Variants in ZSWIM5 observed in about 807,000 individuals in gnomAD.
ZSWIM5 encodes the protein zinc finger SWIM domain-containing protein 5.
A neutral mutation model predicts 119.6 loss-of-function variants in ZSWIM5; 55 were observed. That is an observed-to-expected ratio of 0.46 (90% CI 0.37 to 0.58). The LOEUF (loss-of-function observed/expected upper bound fraction) is 0.58. Among genes scored for constraint, ZSWIM5 ranks in the 20% least tolerant of loss-of-function variants. The pLI, the probability that ZSWIM5 is intolerant of heterozygous loss-of-function variation, is 0.00. For missense variants in ZSWIM5, 1,193 were observed against 1,512.8 expected, an observed-to-expected ratio of 0.79 and a Z score of 3.51; for synonymous variants, 537 against 606.9, an observed-to-expected ratio of 0.88 and a Z score of 1.69.
intron 2 of ZSWIM5, among the ~76,000 whole-genome samples, chr1:45,080,221 C>T (rs923018988): frequency 6.6e-6 from 1 of 152,154 alleles, no homozygotes; most frequent in Non-Finnish European, 1.5e-5. Flanking sequence ...GCAGTCCTTG[C>T]GGCCTAGACT....
chr1:45,189,243 A>G (rs1041046060), intron 1 of ZSWIM5, among the ~76,000 whole-genome samples: 1 of 151,968 alleles, frequency 6.6e-6, no homozygotes, highest in Non-Finnish European at 1.5e-5. Context: ...TCAACCCGGG[A>G]GGCAGAGGCT....
Position 45,057,868 on chromosome 1 carries a change from G to A in ZSWIM5, c.1252+741C>T, listed in dbSNP as rs1232890383. On this transcript the variant is annotated intron_variant, in intron 4 of 13. Coordinates refer to ENST00000359600, the MANE Select transcript of ZSWIM5 (RefSeq NM_020883.2). The surrounding 1 kb of genome is among the most constrained non-coding windows in gnomAD (Gnocchi z 4.7). ...TTCTAATCTAATCTAAAAGTTTCAC[G>A]GGGGAATGGACACTACATTGCATTT... 2.0e-5 allele frequency among the ~76,000 whole-genome samples: 3 copies of A among 152,170 alleles called. No homozygotes were observed. The highest frequency in any genetic ancestry group is 7.2e-5 in the African/African-American group (3 of 41,444).
intron 2 of ZSWIM5, among the ~76,000 whole-genome samples, chr1:45,086,490 T>C (rs528837584): frequency 6.6e-6 from 1 of 152,246 alleles, no homozygotes; most frequent in Admixed American, 6.5e-5. Context: ...CACAAAGTAG[T>C]TTTGAAACCT....
At chr1:45,082,834 T>G (rs139039982) in intron 2 of ZSWIM5, among the ~76,000 whole-genome samples, 2 of 152,162 alleles carry the variant, frequency 1.3e-5, no homozygotes, top group African/African-American at 4.8e-5. Context: ...ACAGTAGTAA[T>G]GAGGGAAGAG....
chr1:45,061,250 C>G (rs1645150259), intron 2 of ZSWIM5, among the ~76,000 whole-genome samples: 1 of 152,104 alleles, frequency 6.6e-6, no homozygotes, highest in Admixed American at 6.6e-5. Flanking sequence ...GAAATGAAAA[C>G]TGAATCATCT....
intron 2 of ZSWIM5, among the ~76,000 whole-genome samples, chr1:45,069,360 A>G (rs1645206852): frequency 6.6e-6 from 1 of 151,618 alleles, no homozygotes; most frequent in Non-Finnish European, 1.5e-5. Flanking sequence ...CGGGAGGCGG[A>G]GCTTGCAGTG....
chr1:45,176,145 T>TAA (rs1479066649), intron 1 of ZSWIM5, among the ~76,000 whole-genome samples: 1 of 148,402 alleles, frequency 6.7e-6, no homozygotes, highest in Non-Finnish European at 1.5e-5. Context: ...TATATATATA[T>TAA]AATATATATT....
intron 1 of ZSWIM5, among the ~76,000 whole-genome samples, chr1:45,154,466 G>A (rs769706196): frequency 1.3e-5 from 2 of 152,152 alleles, no homozygotes; most frequent in African/African-American, 2.4e-5. Flanking sequence ...AATCTTCGAC[G>A]AAACAAACAA....
intron 1 of ZSWIM5, among the ~76,000 whole-genome samples, chr1:45,170,988 T>C (rs994487078): frequency 2.6e-5 from 4 of 152,156 alleles, no homozygotes; most frequent in African/African-American, 7.2e-5. Context: ...ATAGTAAAAA[T>C]GTAATAAATA....
At chr1:45,075,337 G>T (rs530151839) in intron 2 of ZSWIM5, among the ~76,000 whole-genome samples, 2 of 150,350 alleles carry the variant, frequency 1.3e-5, no homozygotes, top group South Asian at 2.1e-4. Context: ...CTACACTGAG[G>T]TCTCTCTATT....
chr1:45,027,280 G>A (rs567605445), intron 11 of ZSWIM5, among the ~76,000 whole-genome samples: 9 of 150,942 alleles, frequency 6.0e-5, no homozygotes, highest in East Asian at 3.9e-4. Context: ...CTCTTCTTTC[G>A]CTATTTTCCC....
At position 45,205,964 on chromosome 1, in the gene ZSWIM5, G is replaced by A. The variant is rs1386387767; in HGVS notation, c.387C>T (p.Ala129=). 2 of 1,348,526 alleles carry A rather than the reference G, an allele frequency of 1.5e-6. No homozygotes were observed. The highest frequency in any genetic ancestry group is 9.5e-7 in the Non-Finnish European group (1 of 1,049,278). 83.5% of individuals were successfully genotyped at this position (1,348,526 alleles called of 1,614,324 possible). Residue 129 remains alanine, a synonymous_variant, in exon 1 of 14, where the codon GCC becomes GCT. Transcript: ENST00000359600. ...CCTCCTCGGCCGGCGAAGCCCCCGC[G>A]GCGCCGCCAGCAGCGCCGGCGCCGG... The part of the protein sequence containing the change: ...GGPGAGAAGG[A]AGASPAEEGP...
chr1:45,159,747 C>G (rs1034167530), intron 1 of ZSWIM5, among the ~76,000 whole-genome samples: 9 of 152,072 alleles, frequency 5.9e-5, no homozygotes, highest in African/African-American at 2.2e-4. Flanking sequence ...CAATACCACA[C>G]CCAGCTGATT....
intron 1 of ZSWIM5, among the ~76,000 whole-genome samples, chr1:45,165,494 C>CA (rs1232945231): frequency 6.6e-6 from 1 of 151,878 alleles, no homozygotes; most frequent in East Asian, 1.9e-4. Flanking sequence ...GATAGAGACA[C>CA]AAAAAACCCT....
intron 1 of ZSWIM5, among the ~76,000 whole-genome samples, chr1:45,151,297 G>A (rs2149037873): frequency 1.3e-5 from 2 of 151,708 alleles, no homozygotes; most frequent in Admixed American, 6.6e-5. Context: ...GTTCCATGAG[G>A]GCTGAGATAA....
At chr1:45,164,009 A>C (rs1037837020) in intron 1 of ZSWIM5, among the ~76,000 whole-genome samples, 2 of 152,204 alleles carry the variant, frequency 1.3e-5, no homozygotes, top group African/African-American at 4.8e-5. Flanking sequence ...ACTCCAAGAC[A>C]CATAATTGTC....
At chr1:45,021,767 C>T (rs1439565024) in intron 11 of ZSWIM5, among the ~76,000 whole-genome samples, 2 of 152,168 alleles carry the variant, frequency 1.3e-5, no homozygotes, top group East Asian at 3.9e-4. Flanking sequence ...CGCCTGTAAT[C>T]CCAGCACTTT....
chr1:45,115,636 G>A (rs561570409), intron 1 of ZSWIM5, among the ~76,000 whole-genome samples: 7 of 142,032 alleles, frequency 4.9e-5, no homozygotes, highest in Admixed American at 2.8e-4. Context: ...GGGAAGAGGC[G>A]CTCCTCACTT....
chr1:45,029,908 T>C (rs979760374), intron 11 of ZSWIM5, among the ~76,000 whole-genome samples: 13 of 152,198 alleles, frequency 8.5e-5, no homozygotes, highest in Non-Finnish European at 1.9e-4. Context: ...GAGTTCCTGC[T>C]TGCAATTCTT....
Sources: allele counts gnomAD v4.1 joint callset (sites outside exome capture counted in the v4.1 genomes callset), GRCh38; gene constraint gnomAD v4.1.1; non-coding constraint Gnocchi (gnomAD v3.1); transcripts MANE v1.5; gene names NCBI Gene and HGNC (gene_info 2026-07-23, HGNC 2026-07-21).